The following SLC1A2 variants were observed in gnomAD, a reference collection of about 807,000 sequenced individuals.
SLC1A2 encodes excitatory amino acid transporter 2.
A neutral mutation model predicts 48.8 loss-of-function variants in SLC1A2; 15 were observed. The observed-to-expected ratio is 0.31, with a 90% confidence interval of 0.21 to 0.47. SLC1A2 has a LOEUF of 0.47. Ranked by LOEUF, SLC1A2 falls within the 20% of genes least tolerant of loss-of-function variation. SLC1A2 has a pLI of 0.99. For synonymous variants in SLC1A2, 279 were observed against 272.6 expected (o/e 1.02, Z -0.23); for missense variants, 502 against 730.5 (o/e 0.69, Z 3.61).
At chr11:35,287,222 G>C (rs1850849270) in intron 7 of SLC1A2, among the ~76,000 whole-genome samples, 1 of 151,458 alleles carries the variant, frequency 6.6e-6, no homozygotes, top group African/African-American at 2.4e-5. Context: ...TTTTTCTTTT[G>C]GCCACTGTTT....
At position 35,379,968 on chromosome 11, in the gene SLC1A2, A is replaced by C. The variant is rs1488112780; in HGVS notation, c.17+38982T>G. ...CTCCATTTAACCACCGACTGCAAAGACTTTACTTGCACGCTGATACCGGGT... is the reference window on the plus strand; with the variant it reads ...CTCCATTTAACCACCGACTGCAAAGCCTTTACTTGCACGCTGATACCGGGT... On this transcript the variant is annotated intron_variant, in intron 1 of 10. Coordinates refer to ENST00000278379, the MANE Select transcript of SLC1A2 (RefSeq NM_004171.4). 2.0e-5 allele frequency among the ~76,000 whole-genome samples: 3 copies of C among 152,242 alleles called. 1 individual carries two copies. In the South Asian group the frequency reaches 6.2e-4, roughly 31 times the overall value.
chr11:35,380,870 T>G (rs1478211011), intron 1 of SLC1A2, among the ~76,000 whole-genome samples: 1 of 152,126 alleles, frequency 6.6e-6, no homozygotes, highest in Admixed American at 6.5e-5. Context: ...AATGACACCC[T>G]GGGCTTAAAG....
In SLC1A2 at chr11:35,259,445, A is replaced by G. The variant is rs1950362262; in HGVS notation, c.*1449T>C. 6.6e-6 allele frequency: 1 copy of G among 152,654 alleles called. No individual in the cohort carries two copies. Among genetic ancestry groups the G allele is most frequent in the African/African-American group, 2.4e-5 (1 of 41,460 alleles). 9.5% of individuals were successfully genotyped at this position (152,654 alleles called of 1,614,324 possible). On this transcript the variant is annotated 3_prime_UTR_variant, in exon 11 of 11. Coordinates refer to ENST00000278379, the MANE Select transcript of SLC1A2 (RefSeq NM_004171.4). Reference sequence around the variant, plus strand: ...GAAAATACTGTGCGTTATTCAATAAAAAAGGATAGTAGAGACATTAAAAAT... The same window carrying G: ...GAAAATACTGTGCGTTATTCAATAAGAAAGGATAGTAGAGACATTAAAAAT...
At chr11:35,379,166 T>C (rs1590248931) in intron 1 of SLC1A2, among the ~76,000 whole-genome samples, 2 of 151,896 alleles carry the variant, frequency 1.3e-5, no homozygotes, top group South Asian at 4.2e-4. Context: ...GAGGTGGAGG[T>C]TGCAGTGAGA....
chr11:35,334,894 C>T (rs191907381), intron 1 of SLC1A2, among the ~76,000 whole-genome samples: 13 of 151,646 alleles, frequency 8.6e-5, no homozygotes, highest in South Asian at 2.1e-4. Context: ...TTAAGACAGA[C>T]ATTTTGTACA....
chr11:35,324,839 C>A (rs965340275), intron 1 of SLC1A2, among the ~76,000 whole-genome samples: 4 of 152,138 alleles, frequency 2.6e-5, no homozygotes, highest in Non-Finnish European at 5.9e-5. Context: ...TTGCTTATTT[C>A]CAGATAGACT....
chr11:35,363,300 C>T (rs531335262), intron 1 of SLC1A2, among the ~76,000 whole-genome samples: 6 of 152,168 alleles, frequency 3.9e-5, no homozygotes, highest in South Asian at 2.1e-4. Flanking sequence ...TGTTCCAGAC[C>T]GTGGATGTCT....
Position 35,419,339 on chromosome 11 carries a change from C to T in SLC1A2, c.-373G>A. Reference sequence around the variant, plus strand: ...AGCCGCTGCCACCTGTGCTTTGCTGCGGGGCTCGCGGGCGCGGCGAGTGGC... The same window carrying T: ...AGCCGCTGCCACCTGTGCTTTGCTGTGGGGCTCGCGGGCGCGGCGAGTGGC... On this transcript the variant is annotated 5_prime_UTR_variant, in exon 1 of 11. Transcript: ENST00000278379. This position sits in a 1 kb window ranked among gnomAD's most constrained non-coding sequence, Gnocchi z 5.4. 2 of 233,712 alleles carry T rather than the reference C, an allele frequency of 8.6e-6. No homozygotes were observed. The highest frequency in any genetic ancestry group is 1.6e-5 in the Non-Finnish European group (2 of 121,836). 14.5% of individuals were successfully genotyped at this position (233,712 alleles called of 1,614,324 possible).
chr11:35,274,948 T>C (rs1395244563), intron 9 of SLC1A2, among the ~76,000 whole-genome samples: 3 of 152,180 alleles, frequency 2.0e-5, no homozygotes, highest in Non-Finnish European at 4.4e-5. Context: ...GAGGTGCTCA[T>C]ATACCCACAA....
chr11:35,404,542 T>G (rs1855228196), intron 1 of SLC1A2: 1 of 152,208 alleles, frequency 6.6e-6, no homozygotes, highest in South Asian at 2.1e-4. Context: ...GTAAACAAAG[T>G]GGTTGGGCTT....
intron 1 of SLC1A2, among the ~76,000 whole-genome samples, chr11:35,400,053 G>A (rs1022443504): frequency 6.6e-6 from 1 of 152,116 alleles, no homozygotes; most frequent in African/African-American, 2.4e-5. Flanking sequence ...GCGGTAAGGG[G>A]GACTCAAAAA....
chr11:35,253,736 C>T lies in SLC1A2; in HGVS notation c.*7158G>A, dbSNP rs1950274244. 1 of 152,540 alleles carries T rather than the reference C, an allele frequency of 6.6e-6. No individual in the cohort carries two copies. The highest frequency in any genetic ancestry group is 2.4e-5 in the African/African-American group (1 of 41,414). 9.4% of individuals were successfully genotyped at this position (152,540 alleles called of 1,614,324 possible). On this transcript the variant is annotated 3_prime_UTR_variant, in exon 11 of 11. Transcript: ENST00000278379. ...TATAGTCAAGAAACAATTGGTAGCT[C>T]TAAATTGCTGAAGAAACTTCTTGTG...
intron 1 of SLC1A2, among the ~76,000 whole-genome samples, chr11:35,345,883 T>C (rs1350796618): frequency 6.6e-6 from 1 of 152,224 alleles, no homozygotes; most frequent in Non-Finnish European, 1.5e-5. Context: ...ATGTTTTATA[T>C]TCATTTTAAC....
chr11:35,409,487 A>T, intron 1 of SLC1A2, among the ~76,000 whole-genome samples: 1 of 152,124 alleles, frequency 6.6e-6, no homozygotes, highest in East Asian at 1.9e-4. Flanking sequence ...AATGTAACTA[A>T]TTTCTCTCTC....
intron 1 of SLC1A2, among the ~76,000 whole-genome samples, chr11:35,381,982 C>G (rs772272750): frequency 2.0e-5 from 3 of 152,196 alleles, no homozygotes; most frequent in Non-Finnish European, 2.9e-5. Context: ...AGCCAACAAA[C>G]AGTAACTGTA....
At chr11:35,271,702 G>C (rs1183969188) in intron 9 of SLC1A2, among the ~76,000 whole-genome samples, 1 of 152,248 alleles carries the variant, frequency 6.6e-6, no homozygotes, top group East Asian at 1.9e-4. Context: ...AATTAGCCGG[G>C]TGTGGTGTCG....
At chr11:35,336,173 G>T (rs1852624186) in intron 1 of SLC1A2, among the ~76,000 whole-genome samples, 2 of 151,648 alleles carry the variant, frequency 1.3e-5, no homozygotes. Context: ...CAGGGGGTGG[G>T]GTGGGTGGGG....
chr11:35,418,071 T>C (rs910433414), intron 1 of SLC1A2, among the ~76,000 whole-genome samples: 1 of 152,234 alleles, frequency 6.6e-6, no homozygotes, highest in African/African-American at 2.4e-5. Flanking sequence ...ACTCAGGTTC[T>C]ACGAAGCCCA....
Position 35,292,515 on chromosome 11 carries a change from G to A in SLC1A2, c.863C>T (p.Ser288Phe), listed in dbSNP as rs1182317968. ...MKLVIMIMWY[S>F]PLGIACLICG... is the part of the protein sequence containing the mutation. The stretch of plus-strand genomic sequence containing the variant: ...GATCAGGCAGGCGATACCCAGGGGA[G>A]AGTACCTGAAAAACACAAAAGGGAA... The change falls in exon 7 of 11, where the codon TCT becomes TTT. Residue 288 changes from serine (S) to phenylalanine (F), a missense_variant. By Grantham distance (155) the Ser-to-Phe change is radical (BLOSUM62 -2). Transcript: ENST00000278379. 6.2e-7 allele frequency: 1 copy of A among 1,607,928 alleles called. No individual in the cohort carries two copies. Among genetic ancestry groups the A allele is most frequent in the Non-Finnish European group, 8.5e-7 (1 of 1,175,432 alleles).
Sources: gnomAD v4.1 joint callset for allele counts (sites outside exome capture counted in the v4.1 genomes callset) on GRCh38, gnomAD v4.1.1 for gene constraint, Gnocchi (gnomAD v3.1) non-coding constraint, MANE v1.5 for transcripts, NCBI Gene and HGNC (gene_info 2026-07-23, HGNC 2026-07-21) for gene names.